The following FBXL2 variants were observed in gnomAD, a reference collection of about 807,000 sequenced individuals.
The protein encoded by FBXL2 is F-box/LRR-repeat protein 2.
Under a neutral mutation model 69.2 loss-of-function variants are expected in FBXL2, and 38 were observed. The ratio of observed to expected loss-of-function variants is 0.55; its 90% CI spans 0.42 to 0.72. FBXL2 has a LOEUF of 0.72. Among genes scored for constraint, FBXL2 ranks in the 30% least tolerant of loss-of-function variants. FBXL2 has a pLI of 0.00. For synonymous variants in FBXL2, 192 were observed against 201.3 expected (o/e 0.95, Z 0.39); for missense variants, 354 against 520.3 (o/e 0.68, Z 3.11).
intron 5 of FBXL2, among the ~76,000 whole-genome samples, chr3:33,368,340 A>T (rs1349614380): frequency 6.6e-6 from 1 of 152,264 alleles, no homozygotes; most frequent in Non-Finnish European, 1.5e-5. Flanking sequence ...TTCTCCTCAC[A>T]GTCCTATCAG....
intron 2 of FBXL2, among the ~76,000 whole-genome samples, chr3:33,310,390 T>G (rs1050136354): frequency 6.6e-6 from 1 of 152,076 alleles, no homozygotes; most frequent in Non-Finnish European, 1.5e-5. Flanking sequence ...TGAACTCAGG[T>G]AATCTGCCCA....
the FBXL2 span, among the ~76,000 whole-genome samples, chr3:33,418,009 C>T: frequency 6.6e-6 from 1 of 152,082 alleles, no homozygotes; most frequent in Non-Finnish European, 1.5e-5. Context: ...CTAAAAAACA[C>T]CTGTATGGGA....
rs2039719025 is a variant in FBXL2, at chr3:33,337,974, A to G, written c.66-20993A>G. 2.0e-5 allele frequency among the ~76,000 whole-genome samples: 3 copies of G among 152,240 alleles called. No individual in the cohort carries two copies. The South Asian group carries it at 6.2e-4, about 32-fold the overall frequency. ...CTGAAAGAAATGAGAGATGACACAA[A>G]CAAAAAAACATTTCATGCTCATGGA... is the stretch of plus-strand genomic sequence containing the variant. On this transcript the variant is annotated intron_variant, in intron 2 of 14. Transcript: ENST00000484457.
At chr3:33,332,561 G>T (rs910140706) in intron 2 of FBXL2, among the ~76,000 whole-genome samples, 1 of 152,240 alleles carries the variant, frequency 6.6e-6, no homozygotes, top group African/African-American at 2.4e-5. Context: ...ACTAATTGTG[G>T]TATAGTCATG....
chr3:33,321,255 A>G (rs1289272184), intron 2 of FBXL2, among the ~76,000 whole-genome samples: 1 of 151,654 alleles, frequency 6.6e-6, no homozygotes, highest in East Asian at 1.9e-4. Flanking sequence ...GGTTGCAGTG[A>G]GCTGAGATTG....
intron 13 of FBXL2, among the ~76,000 whole-genome samples, chr3:33,379,799 T>C (rs1006411627): frequency 1.3e-5 from 2 of 152,010 alleles, no homozygotes; most frequent in African/African-American, 4.8e-5. Context: ...GAAATAATTA[T>C]AATACCATGG....
intron 1 of FBXL2, among the ~76,000 whole-genome samples, chr3:33,291,652 C>G (rs966209980): frequency 2.0e-5 from 3 of 151,562 alleles, no homozygotes; most frequent in African/African-American, 7.3e-5. Flanking sequence ...AAGATGCACT[C>G]TATAATCACT....
intron 12 of FBXL2, among the ~76,000 whole-genome samples, chr3:33,395,900 T>G: frequency 6.7e-6 from 1 of 150,010 alleles, no homozygotes; most frequent in African/African-American, 2.4e-5. Context: ...TTTTTCCACT[T>G]GTTAGATATT....
At chr3:33,390,141 G>A, downstream of FBXL2, 1 of 611,602 alleles carries the variant, frequency 1.6e-6, no homozygotes, top group South Asian at 2.3e-5. Flanking sequence ...CTCTCATGAG[G>A]ATGCTTGGCT....
At chr3:33,307,094 T>C (rs933730161) in intron 2 of FBXL2, among the ~76,000 whole-genome samples, 1 of 152,114 alleles carries the variant, frequency 6.6e-6, no homozygotes, top group Non-Finnish European at 1.5e-5. Flanking sequence ...GTCTTTCCAC[T>C]AGATAAATGT....
chr3:33,345,136 G>GA (rs1559577851), intron 2 of FBXL2, among the ~76,000 whole-genome samples: 1 of 152,240 alleles, frequency 6.6e-6, no homozygotes, highest in Non-Finnish European at 1.5e-5. Flanking sequence ...TAAAACAACA[G>GA]TTCTGGAGAT....
chr3:33,314,734 A>G (rs1364192472), intron 2 of FBXL2, among the ~76,000 whole-genome samples: 1 of 152,214 alleles, frequency 6.6e-6, no homozygotes, highest in Non-Finnish European at 1.5e-5. Flanking sequence ...TATCACATTC[A>G]TTAATATCAC....
Position 33,384,178 on chromosome 3 carries a change from C to A in FBXL2, c.1141C>A (p.Arg381Ser), listed in dbSNP as rs138504132. ...GCTGTACGACTGCCAGCAGGTTACC[C>A]GTGCAGGCATCAAGCGGATGCGGGT... ...LELYDCQQVT[R>S]AGIKRMRAQL... Residue 381 changes from arginine to serine, a missense_variant, in exon 14 of 15, where the codon CGT becomes AGT. Arg to Ser is a moderately radical substitution (Grantham distance 110, BLOSUM62 -1). Transcript: ENST00000484457. 1 of 1,614,084 alleles carries A rather than the reference C, an allele frequency of 6.2e-7. No homozygotes were observed.
chr3:33,369,596 TTTA>T (rs1381662219), intron 5 of FBXL2, among the ~76,000 whole-genome samples: 2 of 152,030 alleles, frequency 1.3e-5, no homozygotes, highest in Admixed American at 6.6e-5. Flanking sequence ...TTTTAAGAGA[TTTA>T]TTATTATCAT....
rs528373905 is a variant in FBXL2, at chr3:33,364,898, T to C, written c.290+179T>C. On this transcript the variant is annotated intron_variant, in intron 5 of 14. Transcript: ENST00000484457. ...ACCTGGGTTGGAAACCGAGCTGTAC[T>C]GTTGTTAGGGATGTGACCTTGGGAC... is the stretch of plus-strand genomic sequence containing the variant. Among the ~76,000 whole-genome samples, 40 of 152,332 alleles carry C rather than the reference T, an allele frequency of 2.6e-4. No individual in the cohort carries two copies. The South Asian group carries it at 8.3e-3, about 32-fold the overall frequency.
At chr3:33,407,530 T>C (rs2044459590), downstream of FBXL2, among the ~76,000 whole-genome samples, 1 of 150,424 alleles carries the variant, frequency 6.6e-6, no homozygotes, top group Non-Finnish European at 1.5e-5. Flanking sequence ...TTTAACAATC[T>C]TTGATTCGAA....
intron 2 of FBXL2, among the ~76,000 whole-genome samples, chr3:33,343,188 CAT>C (rs1272623162): frequency 1.3e-5 from 2 of 151,776 alleles, no homozygotes; most frequent in Non-Finnish European, 1.5e-5. Flanking sequence ...TTGTAATATT[CAT>C]ATGACACTTA....
intron 2 of FBXL2, among the ~76,000 whole-genome samples, chr3:33,337,199 C>T (rs894950381): frequency 5.3e-5 from 8 of 152,028 alleles, no homozygotes; most frequent in Non-Finnish European, 7.4e-5. Context: ...AGCAAGACTC[C>T]GTCTCAAAAA....
intron 1 of FBXL2, among the ~76,000 whole-genome samples, chr3:33,292,199 G>A (rs1245663689): frequency 2.0e-5 from 3 of 152,146 alleles, no homozygotes; most frequent in Admixed American, 6.5e-5. Flanking sequence ...GGCAAACATG[G>A]TGAAACCCCA....
Sources: allele counts gnomAD v4.1 joint callset (sites outside exome capture counted in the v4.1 genomes callset), GRCh38; gene constraint gnomAD v4.1.1; transcripts MANE v1.5; gene names NCBI Gene and HGNC (gene_info 2026-07-23, HGNC 2026-07-21).